The following ARHGAP22 variants were observed in gnomAD, a reference collection of about 807,000 sequenced individuals.
The protein encoded by ARHGAP22 is rho GTPase-activating protein 22.
A neutral mutation model predicts 59.1 loss-of-function variants in ARHGAP22; 48 were observed. The observed-to-expected ratio is 0.81, with a 90% CI of 0.64 to 1.03. ARHGAP22 has a LOEUF of 1.03. Ranked by LOEUF, ARHGAP22 falls within the 50% of genes least tolerant of loss-of-function variation. The pLI is 0.00. For synonymous variants in ARHGAP22, 445 were observed against 416.4 expected, an observed-to-expected ratio of 1.07 and a Z score of -0.84; for missense variants, 1,015 against 958.7, an observed-to-expected ratio of 1.06 and a Z score of -0.78.
At chr10:48,586,782 A>G (rs2059451471) in intron 1 of ARHGAP22, among the ~76,000 whole-genome samples, 1 of 152,186 alleles carries the variant, frequency 6.6e-6, no homozygotes. Flanking sequence ...GGCTTCTACC[A>G]ATTGTATGAG....
chr10:48,493,644 C>T (rs558336007), intron 3 of ARHGAP22: 1 of 1,423,374 alleles, frequency 7.0e-7, no homozygotes, highest in East Asian at 2.6e-5. Context: ...CAGGCTGAGG[C>T]CTTTTGTCTC....
intron 3 of ARHGAP22, among the ~76,000 whole-genome samples, chr10:48,555,222 C>T (rs752578004): frequency 6.6e-6 from 1 of 152,176 alleles, no homozygotes; most frequent in Non-Finnish European, 1.5e-5. Flanking sequence ...TTGCATTTAT[C>T]GTGAATTTAA....
Position 48,450,416 on chromosome 10 carries a change from G to T in ARHGAP22, c.1713C>A (p.Asp571Glu). The T allele has an allele frequency of 6.4e-7, 1 of 1,569,114 alleles. No homozygotes were observed. The highest frequency in any genetic ancestry group is 1.9e-5 in the Admixed American group (1 of 53,964). The change falls in exon 9 of 10, where the codon GAC becomes GAA. Residue 571 changes from aspartate to glutamate, a missense_variant. Physicochemically the swap from Asp to Glu is conservative, Grantham distance 45 (BLOSUM62 2). Coordinates refer to ENST00000249601, the MANE Select transcript of ARHGAP22 (RefSeq NM_021226.4). Reference sequence around the variant, plus strand: ...TGTTGCTGGCACCCGCGCCCGCCTCGTCCATGCTGTGGTCCAGGTCCAGGG... The same window carrying T: ...TGTTGCTGGCACCCGCGCCCGCCTCTTCCATGCTGTGGTCCAGGTCCAGGG... ...PKSLDLDHSM[D>E]EAGAGASNSE...
chr10:48,479,657 T>G lies in ARHGAP22; in HGVS notation c.430A>C (p.Ile144Leu). 1 of 1,613,736 alleles carries G rather than the reference T, an allele frequency of 6.2e-7. No homozygotes were observed. The highest frequency in any genetic ancestry group is 8.5e-7 in the Non-Finnish European group (1 of 1,179,954). The change falls in exon 4 of 10, where the codon ATC becomes CTC. Residue 144 changes from isoleucine to leucine, a missense_variant. Transcript: ENST00000249601. The stretch of plus-strand genomic sequence containing the variant: ...GTACCTCCGCCCAGCGGGGCCCAGA[T>G]GACTCGGCGGATGGCCTGCACCCAG... ...EDWVQAIRRV[I>L]WAPLGGGIFG...
chr10:48,516,042 A>C (rs185531234), intron 3 of ARHGAP22, among the ~76,000 whole-genome samples: 204 of 152,110 alleles, frequency 1.3e-3, no homozygotes, highest in African/African-American at 4.8e-3. Context: ...AAACAAAAAA[A>C]CTAGAAAAAC....
At chr10:48,504,543 G>A (rs1437486365) in intron 3 of ARHGAP22, among the ~76,000 whole-genome samples, 1 of 152,200 alleles carries the variant, frequency 6.6e-6, no homozygotes, top group Non-Finnish European at 1.5e-5. Flanking sequence ...CTCTGGCTGA[G>A]AACTCAGGAA....
chr10:48,578,524 A>ATG (rs3076347), intron 2 of ARHGAP22, among the ~76,000 whole-genome samples: 4,807 of 150,122 alleles, frequency 0.032, 104 homozygotes, highest in African/African-American at 0.059. Context: ...TATGCAGTGT[A>ATG]TGTGTGTGTG....
intron 3 of ARHGAP22, among the ~76,000 whole-genome samples, chr10:48,499,113 G>C (rs1434390028): frequency 1.1e-4 from 16 of 152,342 alleles, no homozygotes. Flanking sequence ...GCAGGGGGAG[G>C]CCATGTCCTC....
rs572456591 is a variant in ARHGAP22, at chr10:48,583,294, C to A, written c.35-142G>T. The A allele has an allele frequency of 1.3e-5, 13 of 963,500 alleles. No homozygotes were observed. The African/African-American group carries it at 2.0e-4, about 15-fold the overall frequency. 59.7% of individuals were successfully genotyped at this position (963,500 alleles called of 1,614,324 possible). A position where few individuals can be genotyped will look rare whatever the true frequency, so the allele number is the denominator to read the frequency against. ...GATGTGAGCAGCTGGGCCTACTTCC[C>A]CTTGGCATTGAAGGGGCATGGGTTG... is the stretch of plus-strand genomic sequence containing the variant. On this transcript the variant is annotated intron_variant, in intron 1 of 9. Transcript: ENST00000249601.
chr10:48,498,141 C>T (rs765163705), intron 3 of ARHGAP22, among the ~76,000 whole-genome samples: 4 of 152,118 alleles, frequency 2.6e-5, no homozygotes, highest in Non-Finnish European at 4.4e-5. Context: ...AGCCCACATG[C>T]TCTGTTTTCT....
intron 1 of ARHGAP22, among the ~76,000 whole-genome samples, chr10:48,626,615 T>G (rs561153706): frequency 6.4e-4 from 97 of 152,336 alleles, no homozygotes; most frequent in African/African-American, 2.3e-3. Context: ...TAACAAACTC[T>G]GCATGAAGCC....
chr10:48,651,818 A>G (rs1339430942), intron 1 of ARHGAP22, among the ~76,000 whole-genome samples: 1 of 152,044 alleles, frequency 6.6e-6, no homozygotes, highest in Admixed American at 6.6e-5. Context: ...GGTTACTGAG[A>G]TGTCCTCACT....
chr10:48,573,175 T>C (rs2058503462), intron 2 of ARHGAP22, among the ~76,000 whole-genome samples: 1 of 152,124 alleles, frequency 6.6e-6, no homozygotes, highest in South Asian at 2.1e-4. Flanking sequence ...CACTGTTTGA[T>C]TGTGTTGAAT....
chr10:48,578,420 T>C (rs540133493), intron 2 of ARHGAP22, among the ~76,000 whole-genome samples: 5 of 152,270 alleles, frequency 3.3e-5, no homozygotes, highest in Admixed American at 6.5e-5. Flanking sequence ...CATGAAGTTT[T>C]GTGATGTGGA....
chr10:48,571,090 T>A (rs2058366879), intron 2 of ARHGAP22, among the ~76,000 whole-genome samples: 1 of 152,206 alleles, frequency 6.6e-6, no homozygotes, highest in Admixed American at 6.5e-5. Context: ...TTTTGACTTT[T>A]GGAGTTGAGA....
At chr10:48,444,689 TC>T (rs143231724), downstream of ARHGAP22, 13,600 of 152,190 alleles carry the variant, frequency 0.089, 672 homozygotes, top group Non-Finnish European at 0.11. Context: ...TCAGCAGAAT[TC>T]CATAGCTGTG....
At chr10:48,515,562 TC>T (rs368542267) in intron 3 of ARHGAP22, among the ~76,000 whole-genome samples, 1 of 152,214 alleles carries the variant, frequency 6.6e-6, no homozygotes, top group East Asian at 1.9e-4. Flanking sequence ...ACATAAGGAA[TC>T]AAGCAGACCT....
chr10:48,531,076 G>A (rs2134943335), intron 3 of ARHGAP22, among the ~76,000 whole-genome samples: 1 of 152,176 alleles, frequency 6.6e-6, no homozygotes, highest in East Asian at 1.9e-4. Context: ...AAATACCATG[G>A]AATACTTCTT....
At chr10:48,489,986 G>A (rs974365980) in intron 3 of ARHGAP22, among the ~76,000 whole-genome samples, 2 of 152,134 alleles carry the variant, frequency 1.3e-5, no homozygotes, top group African/African-American at 4.8e-5. Context: ...ACCCGCCTAG[G>A]CCTCCCAAAG....
Sources: gnomAD v4.1 joint callset for allele counts (sites outside exome capture counted in the v4.1 genomes callset) on GRCh38, gnomAD v4.1.1 for gene constraint, MANE v1.5 for transcripts, NCBI Gene and HGNC (gene_info 2026-07-23, HGNC 2026-07-21) for gene names.